PABPC4L: variants seen among roughly 807,000 people sequenced by gnomAD.
PABPC4L encodes the protein polyadenylate-binding protein 4-like.
For missense variants in PABPC4L, 452 were observed against 451.4 expected, an observed-to-expected ratio of 1.00 and a Z score of -0.01; for synonymous variants, 169 against 164.1, an observed-to-expected ratio of 1.03 and a Z score of -0.23.
At chr4:134,039,853 G>T in the PABPC4L span, among the ~76,000 whole-genome samples, 2 of 151,800 alleles carry the variant, frequency 1.3e-5, no homozygotes, top group African/African-American at 4.8e-5. Flanking sequence ...AAGCTGATAA[G>T]CAACTTCAGC....
the PABPC4L span, among the ~76,000 whole-genome samples, chr4:134,042,366 G>A: frequency 6.6e-6 from 1 of 152,038 alleles, no homozygotes; most frequent in South Asian, 2.1e-4. Context: ...GGTGATGGGT[G>A]CACTAAAATC....
At chr4:134,160,548 CA>C in the PABPC4L span, among the ~76,000 whole-genome samples, 1 of 152,274 alleles carries the variant, frequency 6.6e-6, no homozygotes, top group Non-Finnish European at 1.5e-5. Flanking sequence ...CCTGATTCTT[CA>C]ATGCCAAGAC....
the PABPC4L span, among the ~76,000 whole-genome samples, chr4:133,993,516 G>A: frequency 6.6e-6 from 1 of 152,176 alleles, no homozygotes. Context: ...ACAGATACAT[G>A]TACATATCTA....
At chr4:134,151,304 C>T in the PABPC4L span, among the ~76,000 whole-genome samples, 2 of 152,032 alleles carry the variant, frequency 1.3e-5, no homozygotes, top group African/African-American at 4.8e-5. Flanking sequence ...AAAAAGAACA[C>T]AAAATTAAAA....
chr4:134,043,683 AC>A, the PABPC4L span, among the ~76,000 whole-genome samples: 23,902 of 151,414 alleles, frequency 0.16, 2,285 homozygotes, highest in East Asian at 0.5. Context: ...AAAAGAAAAA[AC>A]AAAATACATC....
the PABPC4L span, among the ~76,000 whole-genome samples, chr4:133,970,539 A>C: frequency 6.6e-6 from 1 of 152,270 alleles, no homozygotes; most frequent in Non-Finnish European, 1.5e-5. Flanking sequence ...CCTAGTTAAA[A>C]ATGTTATTTT....
At chr4:134,156,619 A>C in the PABPC4L span, among the ~76,000 whole-genome samples, 1 of 151,970 alleles carries the variant, frequency 6.6e-6, no homozygotes, top group South Asian at 2.1e-4. Flanking sequence ...GTAAACTATA[A>C]ATATAAGGAA....
At chr4:134,147,749 G>GTGTGTGTGTGTGTGT in the PABPC4L span, among the ~76,000 whole-genome samples, 1 of 148,938 alleles carries the variant, frequency 6.7e-6, no homozygotes, top group South Asian at 2.1e-4. Flanking sequence ...GTGTGTGTGT[G>GTGTGTGTGTGTGTGT]TGTTGTTGTT....
the PABPC4L span, among the ~76,000 whole-genome samples, chr4:134,113,896 C>T: frequency 1.3e-5 from 2 of 151,442 alleles, no homozygotes; most frequent in Non-Finnish European, 2.9e-5. Flanking sequence ...AAGAGGGTGG[C>T]ATAATGGAAA....
At chr4:134,017,927 T>A in the PABPC4L span, among the ~76,000 whole-genome samples, 21 of 152,060 alleles carry the variant, frequency 1.4e-4, no homozygotes, top group Admixed American at 6.6e-5. Flanking sequence ...CCCAACACTT[T>A]ACCACTATTT....
chr4:134,038,329 G>A, the PABPC4L span, among the ~76,000 whole-genome samples: 25 of 152,084 alleles, frequency 1.6e-4, no homozygotes, highest in African/African-American at 5.8e-4. Context: ...GGATGATACT[G>A]GCCTCGTAAA....
chr4:133,980,171 T>G, the PABPC4L span, among the ~76,000 whole-genome samples: 1 of 152,332 alleles, frequency 6.6e-6, no homozygotes, highest in East Asian at 1.9e-4. Context: ...TGTCTTATAG[T>G]CAGTAGACAA....
the PABPC4L span, among the ~76,000 whole-genome samples, chr4:133,980,646 G>A: frequency 6.6e-6 from 1 of 152,088 alleles, no homozygotes; most frequent in Non-Finnish European, 1.5e-5. Context: ...AATGCGCCAA[G>A]AGAATCATGA....
chr4:134,013,843 G>T, the PABPC4L span, among the ~76,000 whole-genome samples: 1 of 151,776 alleles, frequency 6.6e-6, no homozygotes, highest in Non-Finnish European at 1.5e-5. Context: ...GGCTGAGATA[G>T]GTCTCAATTC....
chr4:133,991,746 G>A, the PABPC4L span, among the ~76,000 whole-genome samples: 9 of 152,118 alleles, frequency 5.9e-5, no homozygotes, highest in East Asian at 3.9e-4. Flanking sequence ...TGCCAGTTGC[G>A]TGTTAAATTG....
chr4:134,138,444 C>G, the PABPC4L span, among the ~76,000 whole-genome samples: 1 of 151,708 alleles, frequency 6.6e-6, no homozygotes, highest in African/African-American at 2.4e-5. Context: ...CAATCAGTAA[C>G]TCTAGTGATT....
the PABPC4L span, among the ~76,000 whole-genome samples, chr4:134,077,953 C>A: frequency 2.8e-4 from 43 of 151,842 alleles, no homozygotes; most frequent in African/African-American, 3.9e-4. Flanking sequence ...AAACCAACCA[C>A]CCCACAAAAA....
the PABPC4L span, among the ~76,000 whole-genome samples, chr4:133,974,996 T>G: frequency 6.6e-6 from 1 of 152,142 alleles, no homozygotes; most frequent in Non-Finnish European, 1.5e-5. Flanking sequence ...TCACTCCAGG[T>G]GTATACCCAG....
chr4:134,016,523 T>C, the PABPC4L span, among the ~76,000 whole-genome samples: 114 of 152,262 alleles, frequency 7.5e-4, no homozygotes, highest in African/African-American at 2.7e-3. Context: ...GTCCAACTTA[T>C]ATCCCTCACT....
Sources: allele counts gnomAD v4.1 joint callset (sites outside exome capture counted in the v4.1 genomes callset), GRCh38; gene constraint gnomAD v4.1.1; transcripts MANE v1.5; gene names NCBI Gene and HGNC (gene_info 2026-07-23, HGNC 2026-07-21).